Variants in PLCB1 observed in about 807,000 individuals in gnomAD.
PLCB1 encodes the protein 1-phosphatidylinositol 4,5-bisphosphate phosphodiesterase beta-1.
A neutral mutation model predicts 161.8 loss-of-function variants in PLCB1; 46 were observed. That is an observed-to-expected ratio of 0.28 (90% CI 0.22 to 0.36). The LOEUF is 0.36. Ranked by LOEUF, PLCB1 falls within the 10% of genes least tolerant of loss-of-function variation. PLCB1 has a pLI of 1.00. For synonymous variants in PLCB1, 517 were observed against 503.7 expected, an observed-to-expected ratio of 1.03 and a Z score of -0.35; for missense variants, 1,016 against 1,472.5, an observed-to-expected ratio of 0.69 and a Z score of 5.07.
intron 23 of PLCB1, among the ~76,000 whole-genome samples, chr20:8,753,287 G>A (rs769066997): frequency 5.9e-5 from 9 of 152,094 alleles, no homozygotes; most frequent in Non-Finnish European, 1.2e-4. Flanking sequence ...TAATGCACTT[G>A]AGTCATACTG....
chr20:8,267,033 G>T (rs1222829829), intron 2 of PLCB1, among the ~76,000 whole-genome samples: 1 of 141,908 alleles, frequency 7.0e-6, no homozygotes, highest in Non-Finnish European at 1.5e-5. Flanking sequence ...GCGAGACTTC[G>T]TCTAAAAAAA....
Position 8,722,365 on chromosome 20 carries a change from A to C in PLCB1, c.1525A>C (p.Thr509Pro). The C allele has an allele frequency of 6.2e-7, 1 of 1,611,496 alleles. No individual in the cohort carries two copies. Among genetic ancestry groups the C allele is most frequent in the Non-Finnish European group, 8.5e-7 (1 of 1,178,902 alleles). The change falls in exon 15 of 32, where the codon ACG (threonine) becomes CCG (proline). Residue 509 changes from threonine to proline, a missense_variant. Coordinates refer to ENST00000338037, the MANE Select transcript of PLCB1 (RefSeq NM_015192.4). ...PSSPGAGEADTESDDDDDDDD... is the reference protein window; with the variant it reads ...PSSPGAGEADPESDDDDDDDD... ...TTAAAATTTGACAGGAGAAGCTGAT[A>C]CGGAAAGTGACGACGACGATGATGA...
intron 2 of PLCB1, among the ~76,000 whole-genome samples, chr20:8,176,384 C>T (rs2051783877): frequency 6.6e-6 from 1 of 152,138 alleles, no homozygotes; most frequent in Non-Finnish European, 1.5e-5. Context: ...AAGCCAATCT[C>T]AAAAGGTTTC....
intron 2 of PLCB1, among the ~76,000 whole-genome samples, chr20:8,285,241 A>G (rs995498451): frequency 1.3e-5 from 2 of 148,618 alleles, no homozygotes; most frequent in Non-Finnish European, 3.0e-5. Context: ...TTTTATATAT[A>G]TATATTTCTA....
chr20:8,687,013 A>G (rs1294263807), intron 10 of PLCB1, among the ~76,000 whole-genome samples: 1 of 82,530 alleles, frequency 1.2e-5, no homozygotes, highest in Non-Finnish European at 2.4e-5. Context: ...TCTACCTACC[A>G]ATTTAAATTA....
intron 2 of PLCB1, among the ~76,000 whole-genome samples, chr20:8,338,356 A>G (rs911118345): frequency 1.3e-5 from 2 of 152,166 alleles, no homozygotes; most frequent in Non-Finnish European, 2.9e-5. Flanking sequence ...TTTTGTTAAC[A>G]TTAATGGGAG....
chr20:8,406,174 A>G (rs1978779813), intron 3 of PLCB1, among the ~76,000 whole-genome samples: 1 of 152,192 alleles, frequency 6.6e-6, no homozygotes, highest in African/African-American at 2.4e-5. Context: ...CTTTGATGGA[A>G]GAAGGAAAAT....
chr20:8,393,964 A>G (rs1288809856), intron 3 of PLCB1, among the ~76,000 whole-genome samples: 1 of 152,072 alleles, frequency 6.6e-6, no homozygotes, highest in Non-Finnish European at 1.5e-5. Context: ...TATTAATATA[A>G]TGTTGAATTT....
At chr20:8,211,120 C>G (rs1978802695) in intron 2 of PLCB1, among the ~76,000 whole-genome samples, 1 of 152,084 alleles carries the variant, frequency 6.6e-6, no homozygotes, top group African/African-American at 2.4e-5. Flanking sequence ...GCTTATGGTG[C>G]CTTGGATGGA....
At chr20:8,636,408 A>C (rs1443185981) in intron 4 of PLCB1, among the ~76,000 whole-genome samples, 1 of 152,234 alleles carries the variant, frequency 6.6e-6, no homozygotes, top group Non-Finnish European at 1.5e-5. Flanking sequence ...TTGTTGGAGA[A>C]TGAGATTTAC....
intron 3 of PLCB1, among the ~76,000 whole-genome samples, chr20:8,465,595 A>AT (rs1257377050): frequency 6.6e-6 from 1 of 152,140 alleles, no homozygotes; most frequent in Non-Finnish European, 1.5e-5. Context: ...GACTCAGCAG[A>AT]TATCTTCAGG....
intron 25 of PLCB1, among the ~76,000 whole-genome samples, chr20:8,761,976 A>G (rs1014150789): frequency 1.6e-4 from 23 of 146,500 alleles, no homozygotes; most frequent in African/African-American, 4.7e-4. Flanking sequence ...GGGGAGGCCA[A>G]GGGGGGGGCG....
chr20:8,456,879 A>G (rs1981339507), intron 3 of PLCB1, among the ~76,000 whole-genome samples: 1 of 152,148 alleles, frequency 6.6e-6, no homozygotes, highest in South Asian at 2.1e-4. Context: ...AATGCCATTC[A>G]GGAGGGAGGG....
chr20:8,367,827 C>T (rs1568648829), intron 2 of PLCB1, among the ~76,000 whole-genome samples: 1 of 152,084 alleles, frequency 6.6e-6, no homozygotes, highest in Non-Finnish European at 1.5e-5. Context: ...GCATTGGGTT[C>T]CTCATTTTCT....
At chr20:8,748,110 T>C (rs908428613) in intron 23 of PLCB1, among the ~76,000 whole-genome samples, 6 of 152,234 alleles carry the variant, frequency 3.9e-5, no homozygotes, top group Non-Finnish European at 8.8e-5. Context: ...TATTAATTTA[T>C]AGAAACAATA....
intron 2 of PLCB1, among the ~76,000 whole-genome samples, chr20:8,327,072 G>A (rs980510462): frequency 6.6e-6 from 1 of 152,138 alleles, no homozygotes; most frequent in Admixed American, 6.6e-5. Flanking sequence ...TTTTTGGAGA[G>A]ACTGAGTTTC....
At chr20:8,476,046 CT>C (rs1341355414) in intron 3 of PLCB1, among the ~76,000 whole-genome samples, 2 of 152,172 alleles carry the variant, frequency 1.3e-5, no homozygotes, top group African/African-American at 4.8e-5. Context: ...TTGCTCTGTG[CT>C]CTTAAATGTG....
chr20:8,469,646 C>G (rs1981967670), intron 3 of PLCB1, among the ~76,000 whole-genome samples: 1 of 152,006 alleles, frequency 6.6e-6, no homozygotes, highest in Non-Finnish European at 1.5e-5. Flanking sequence ...AAACAGTGAC[C>G]AAAATTCTTA....
At chr20:8,229,889 T>A (rs1366681992) in intron 2 of PLCB1, among the ~76,000 whole-genome samples, 1 of 144,432 alleles carries the variant, frequency 6.9e-6, no homozygotes, top group East Asian at 2.0e-4. Flanking sequence ...AAAATAAAAA[T>A]AAAATAAAAA....
Sources: allele counts gnomAD v4.1 joint callset (sites outside exome capture counted in the v4.1 genomes callset), GRCh38; gene constraint gnomAD v4.1.1; transcripts MANE v1.5; gene names NCBI Gene and HGNC (gene_info 2026-07-23, HGNC 2026-07-21).